The following SYN3 variants were observed in gnomAD, a reference collection of about 807,000 sequenced individuals.
SYN3 encodes synapsin III, also known as synapsin-3.
In SYN3, 35 loss-of-function variants were observed where a neutral mutation model predicts 65.8. The observed-to-expected ratio is 0.53, with a 90% CI of 0.41 to 0.70. SYN3 has a LOEUF of 0.70. SYN3 is among the 30% of genes least tolerant of loss of function. SYN3 has a pLI of 0.00. For missense variants in SYN3, 680 were observed against 749.0 expected (o/e 0.91, Z 1.08); for synonymous variants, 270 against 292.9 (o/e 0.92, Z 0.80).
intron 6 of SYN3, among the ~76,000 whole-genome samples, chr22:32,630,321 C>A (rs1425893559): frequency 6.6e-6 from 1 of 151,962 alleles, no homozygotes; most frequent in Non-Finnish European, 1.5e-5. Context: ...TGCCATGTTA[C>A]CCAGGTTGGG....
chr22:32,822,023 C>T (rs571676276), intron 6 of SYN3, among the ~76,000 whole-genome samples: 62 of 152,028 alleles, frequency 4.1e-4, no homozygotes, highest in African/African-American at 1.4e-3. Context: ...GGCGTGGTGG[C>T]GCATGCCTGT....
chr22:32,848,310 A>G (rs1216476562), intron 6 of SYN3, among the ~76,000 whole-genome samples: 2 of 152,154 alleles, frequency 1.3e-5, no homozygotes, highest in African/African-American at 4.8e-5. Context: ...TGTAGTGGGA[A>G]ATTTCATAAG....
At chr22:32,631,595 C>A (rs747988349) in intron 6 of SYN3, among the ~76,000 whole-genome samples, 1 of 152,188 alleles carries the variant, frequency 6.6e-6, no homozygotes, top group African/African-American at 2.4e-5. Flanking sequence ...TGAAAATGAG[C>A]AACCTTAGAA....
At chr22:32,955,775 G>A (rs1048799173) in intron 3 of SYN3, among the ~76,000 whole-genome samples, 1 of 151,994 alleles carries the variant, frequency 6.6e-6, no homozygotes, top group African/African-American at 2.4e-5. Context: ...CTGGGCTGGG[G>A]AAGGCAGACT....
chr22:32,622,107 G>A (rs978543989), intron 6 of SYN3, among the ~76,000 whole-genome samples: 10 of 152,040 alleles, frequency 6.6e-5, no homozygotes, highest in Admixed American at 1.3e-4. Context: ...CTTACAGTCC[G>A]CACAGCTGGG....
At chr22:32,885,952 G>C (rs2049276144) in intron 4 of SYN3, among the ~76,000 whole-genome samples, 1 of 152,170 alleles carries the variant, frequency 6.6e-6, no homozygotes, top group South Asian at 2.1e-4. Flanking sequence ...GCACCAGAAA[G>C]GGGCCTATGT....
intron 6 of SYN3, among the ~76,000 whole-genome samples, chr22:32,834,468 C>T (rs2047672801): frequency 1.3e-5 from 2 of 152,106 alleles, no homozygotes; most frequent in African/African-American, 2.4e-5. Context: ...CGGCCAAGCC[C>T]ACCTTTTGAT....
At chr22:32,556,834 T>TTTTTTTTTG (rs1569035464) in intron 7 of SYN3, among the ~76,000 whole-genome samples, 3 of 129,288 alleles carry the variant, frequency 2.3e-5, no homozygotes, top group Non-Finnish European at 4.9e-5. Flanking sequence ...TTTTTTTTTT[T>TTTTTTTTTG]TGTGTGTAGA....
At chr22:32,586,653 T>A (rs1257857108) in intron 7 of SYN3, among the ~76,000 whole-genome samples, 3 of 152,126 alleles carry the variant, frequency 2.0e-5, no homozygotes, top group Non-Finnish European at 4.4e-5. Context: ...CAGAGTGTTA[T>A]CTTATTTGAC....
intron 7 of SYN3, among the ~76,000 whole-genome samples, chr22:32,573,793 A>T (rs1272302872): frequency 2.2e-5 from 3 of 139,296 alleles, no homozygotes; most frequent in Non-Finnish European, 4.6e-5. Context: ...TTTGGGAGAC[A>T]GAGTCTCGCT....
chr22:32,843,530 C>T (rs1004192983), intron 6 of SYN3, among the ~76,000 whole-genome samples: 8 of 152,158 alleles, frequency 5.3e-5, no homozygotes, highest in African/African-American at 1.7e-4. Flanking sequence ...TCAGCAAGGC[C>T]GCTCCCTTTG....
rs567085414 is a variant in SYN3 at position 32,912,547 on chromosome 22, C to T, written c.461+18843G>A. 5.9e-5 allele frequency among the ~76,000 whole-genome samples: 9 copies of T among 152,100 alleles called. No homozygotes were observed. In the East Asian group the frequency reaches 9.7e-4, roughly 16 times the overall value. ...CCTGCGCAACATAGTGAGACCCCCC[C>T]ATCTCTACTAAAAATAATAATAAAT... On this transcript the variant is annotated intron_variant, in intron 4 of 13. Coordinates refer to ENST00000358763, the MANE Select transcript of SYN3 (RefSeq NM_003490.4).
intron 6 of SYN3, among the ~76,000 whole-genome samples, chr22:32,812,137 T>C (rs188109099): frequency 6.6e-6 from 1 of 152,300 alleles, no homozygotes; most frequent in Admixed American, 6.5e-5. Flanking sequence ...ATTGGCTCTA[T>C]GTGGTGTGTA....
intron 7 of SYN3, among the ~76,000 whole-genome samples, chr22:32,556,166 G>A (rs532736305): frequency 1.1e-4 from 17 of 152,268 alleles, no homozygotes; most frequent in African/African-American, 2.9e-4. Context: ...TAGTTAGAGC[G>A]AAATAGCTTA....
intron 7 of SYN3, among the ~76,000 whole-genome samples, chr22:32,575,748 TGACTCTGGGCACGGTAGAGATGG>T (rs2058841718): frequency 6.6e-6 from 1 of 152,174 alleles, no homozygotes; most frequent in Admixed American, 6.5e-5. Context: ...GCTGCTAAAA[TGACTCTGGGCACGGTAGAGATGG>T]GGAGATACGG....
At chr22:32,910,156 C>T (rs1464046502) in intron 4 of SYN3, among the ~76,000 whole-genome samples, 1 of 152,042 alleles carries the variant, frequency 6.6e-6, no homozygotes, top group Admixed American at 6.6e-5. Context: ...CTCTGTGGCA[C>T]GTTTATTTTA....
chr22:32,939,554 A>G (rs1235375767), intron 3 of SYN3, among the ~76,000 whole-genome samples: 4 of 152,248 alleles, frequency 2.6e-5, no homozygotes, highest in Non-Finnish European at 5.9e-5. Flanking sequence ...TACCATTTTA[A>G]TGTCTTCTAT....
intron 4 of SYN3, among the ~76,000 whole-genome samples, chr22:32,913,312 C>T (rs111885435): frequency 0.019 from 2,907 of 152,110 alleles, 111 homozygotes; most frequent in African/African-American, 0.067. Flanking sequence ...GCACCCACCA[C>T]CATACCCAGC....
At chr22:32,711,544 A>G (rs531111106) in intron 6 of SYN3, among the ~76,000 whole-genome samples, 10 of 152,238 alleles carry the variant, frequency 6.6e-5, no homozygotes, top group African/African-American at 2.2e-4. Context: ...TATGGAGAAG[A>G]AAGATTCTTC....
Sources: gnomAD v4.1 joint callset for allele counts (sites outside exome capture counted in the v4.1 genomes callset) on GRCh38, gnomAD v4.1.1 for gene constraint, MANE v1.5 for transcripts, NCBI Gene and HGNC (gene_info 2026-07-23, HGNC 2026-07-21) for gene names.